The following ERC2 variants were observed in gnomAD, a reference collection of about 807,000 sequenced individuals.
ERC2 encodes the protein ELKS/RAB6-interacting/CAST family member 2, also known as ERC protein 2.
In ERC2, 42 loss-of-function variants were observed where a neutral mutation model predicts 114.8. The ratio of observed to expected loss-of-function variants is 0.37; its 90% CI spans 0.29 to 0.47. The LOEUF (loss-of-function observed/expected upper bound fraction) is 0.47, where lower values mean the gene tolerates loss of function less well. Ranked by LOEUF, ERC2 falls within the 20% of genes least tolerant of loss-of-function variation. The pLI, the probability that ERC2 is intolerant of heterozygous loss-of-function variation, is 0.99. For missense variants in ERC2, 939 were observed against 1,150.7 expected, an observed-to-expected ratio of 0.82 and a Z score of 2.66; for synonymous variants, 454 against 425.5, an observed-to-expected ratio of 1.07 and a Z score of -0.82.
At chr3:55,560,694 T>C (rs1184579759) in intron 17 of ERC2, among the ~76,000 whole-genome samples, 1 of 152,152 alleles carries the variant, frequency 6.6e-6, no homozygotes, top group Non-Finnish European at 1.5e-5. Context: ...ACCCATAAAA[T>C]TCTGATATGT....
chr3:56,317,950 G>A (rs1381603433), intron 2 of ERC2, among the ~76,000 whole-genome samples: 2 of 152,154 alleles, frequency 1.3e-5, no homozygotes, highest in Non-Finnish European at 2.9e-5. Context: ...CAGAGAAGAA[G>A]ATTTTACTTC....
At chr3:55,801,267 C>T (rs773770111) in intron 14 of ERC2, among the ~76,000 whole-genome samples, 21 of 152,112 alleles carry the variant, frequency 1.4e-4, no homozygotes, top group Middle Eastern at 3.2e-3. Flanking sequence ...GGGTAATTCC[C>T]GGACCTGGGT....
intron 12 of ERC2, among the ~76,000 whole-genome samples, chr3:55,958,296 G>T (rs558544508): frequency 7.2e-5 from 11 of 152,338 alleles, no homozygotes; most frequent in African/African-American, 2.6e-4. Context: ...ACAGCTGGTA[G>T]TCCCAACATC....
At chr3:56,243,585 A>AAAGAGATT (rs1392740730) in intron 3 of ERC2, among the ~76,000 whole-genome samples, 3 of 152,224 alleles carry the variant, frequency 2.0e-5, no homozygotes, top group African/African-American at 7.2e-5. Flanking sequence ...CCCTGAAGAA[A>AAAGAGATT]AAGAGATTAA....
At chr3:55,630,650 A>G (rs1312973699) in intron 17 of ERC2, among the ~76,000 whole-genome samples, 1 of 152,184 alleles carries the variant, frequency 6.6e-6, no homozygotes, top group Non-Finnish European at 1.5e-5. Context: ...CATCAAAGAC[A>G]CTACTGTAGG....
chr3:55,520,115 G>A (rs1290495113), intron 17 of ERC2, among the ~76,000 whole-genome samples: 1 of 151,706 alleles, frequency 6.6e-6, no homozygotes, highest in Non-Finnish European at 1.5e-5. Context: ...TATGTGGCCT[G>A]GAAAAGTTTA....
intron 3 of ERC2, among the ~76,000 whole-genome samples, chr3:56,285,117 C>G (rs1010867581): frequency 1.3e-5 from 2 of 148,860 alleles, no homozygotes; most frequent in East Asian, 2.0e-4. Flanking sequence ...CTACCTCCCC[C>G]CAGCACATCT....
chr3:55,980,942 T>C lies in ERC2; in HGVS notation c.2267+5035A>G, dbSNP rs1161828756. ...AATTGTGTTCCTTCAGTCTTCACCA[T>C]TCTAGAGGGTATAGAGTGCCAGAAC... On this transcript the variant is annotated intron_variant, in intron 12 of 17. Transcript: ENST00000288221. Among the ~76,000 whole-genome samples, 14 of 152,208 alleles carry C rather than the reference T, an allele frequency of 9.2e-5. 1 individual carries two copies. The highest frequency in any genetic ancestry group is 8.5e-4 in the Admixed American group (13 of 15,286).
chr3:55,898,120 C>T (rs2063929687), intron 13 of ERC2, among the ~76,000 whole-genome samples: 1 of 152,162 alleles, frequency 6.6e-6, no homozygotes, highest in Admixed American at 6.5e-5. Context: ...TGCAAAAATA[C>T]ATACATCTGA....
At chr3:55,654,156 C>T (rs887547692) in intron 17 of ERC2, among the ~76,000 whole-genome samples, 1 of 152,252 alleles carries the variant, frequency 6.6e-6, no homozygotes, top group African/African-American at 2.4e-5. Context: ...GGTCTCAGCT[C>T]CTCAGCTAAG....
intron 14 of ERC2, among the ~76,000 whole-genome samples, chr3:55,863,668 A>G (rs1386601210): frequency 6.6e-6 from 1 of 152,210 alleles, no homozygotes; most frequent in Non-Finnish European, 1.5e-5. Flanking sequence ...ACTGTCAAAT[A>G]GAAATACAGC....
intron 14 of ERC2, among the ~76,000 whole-genome samples, chr3:55,743,981 G>A (rs1468435792): frequency 6.6e-6 from 1 of 152,162 alleles, no homozygotes; most frequent in African/African-American, 2.4e-5. Context: ...AATTTTCCAT[G>A]CCTAAGTAAC....
At chr3:56,239,638 T>G (rs1410437617) in intron 3 of ERC2, among the ~76,000 whole-genome samples, 5 of 152,232 alleles carry the variant, frequency 3.3e-5, no homozygotes, top group African/African-American at 1.2e-4. Context: ...TACCTAGAGA[T>G]GTCAACTGTG....
chr3:56,305,512 CCACACACACACACACACACACACA>C, intron 2 of ERC2, among the ~76,000 whole-genome samples: 1 of 144,338 alleles, frequency 6.9e-6, no homozygotes. Flanking sequence ...ACTCTCTTAT[CCACACACACACACACACACACACA>C]CACACACACA....
chr3:55,906,432 A>AC (rs1491302784), intron 13 of ERC2, among the ~76,000 whole-genome samples: 2 of 64,632 alleles, frequency 3.1e-5, no homozygotes, highest in African/African-American at 8.7e-5. Flanking sequence ...ACTCTGTCTC[A>AC]AAAAAAAAAA....
At chr3:55,682,310 A>T (rs942288833) in intron 17 of ERC2, among the ~76,000 whole-genome samples, 1 of 152,150 alleles carries the variant, frequency 6.6e-6, no homozygotes, top group South Asian at 2.1e-4. Flanking sequence ...GGAAGTGTTA[A>T]TTCCAGTGCC....
At chr3:56,269,770 G>A (rs552074230) in intron 3 of ERC2, among the ~76,000 whole-genome samples, 71 of 152,204 alleles carry the variant, frequency 4.7e-4, no homozygotes, top group South Asian at 1.9e-3. Context: ...TGCTCAGAAC[G>A]GTCTATGTGT....
intron 13 of ERC2, among the ~76,000 whole-genome samples, chr3:55,910,745 A>G (rs902373670): frequency 2.6e-5 from 4 of 152,238 alleles, no homozygotes; most frequent in Non-Finnish European, 5.9e-5. Flanking sequence ...AAACTGAGAC[A>G]CAAAGAGGTT....
At chr3:56,252,736 A>C (rs1182655301) in intron 3 of ERC2, among the ~76,000 whole-genome samples, 5 of 145,326 alleles carry the variant, frequency 3.4e-5, no homozygotes, top group African/African-American at 1.1e-4. Context: ...CAGCCTGGGC[A>C]ACAAGAGCAA....
Sources: allele counts gnomAD v4.1 joint callset (sites outside exome capture counted in the v4.1 genomes callset), GRCh38; gene constraint gnomAD v4.1.1; transcripts MANE v1.5; gene names NCBI Gene and HGNC (gene_info 2026-07-23, HGNC 2026-07-21).